ARL14EPL: variants seen among roughly 807,000 people sequenced by gnomAD.
The protein encoded by ARL14EPL is ARF like GTPase 14 effector protein like, also known as ARL14 effector protein-like.
Under a neutral mutation model 15.9 loss-of-function variants are expected in ARL14EPL, and 17 were observed. The observed-to-expected ratio is 1.07, with a 90% CI of 0.73 to 1.60. ARL14EPL has a LOEUF of 1.60. Ranked by LOEUF, ARL14EPL falls within the 40% of genes most tolerant of loss-of-function variation. The pLI, the probability that ARL14EPL is intolerant of heterozygous loss-of-function variation, is 0.00. For missense variants in ARL14EPL, 214 were observed against 185.9 expected (o/e 1.15, Z -0.88); for synonymous variants, 78 against 63.8 (o/e 1.22, Z -1.06).
intron 2 of ARL14EPL, 130 bp downstream of exon 2, chr5:116,051,691 G>A (rs1266651116): frequency 1.2e-6 from 1 of 804,844 alleles, no homozygotes; most frequent in Non-Finnish European, 1.9e-6. Context: ...CTGCCGCCCA[G>A]GCTGATAGAG....
rs866410607 is a variant in ARL14EPL, at chr5:116,050,772, T to C, written c.-9-685T>C. Among the ~76,000 whole-genome samples, 49 of 137,048 alleles carry C rather than the reference T, an allele frequency of 3.6e-4. 1 individual carries two copies. Among genetic ancestry groups the C allele is most frequent in the Middle Eastern group, 7.6e-3 (2 of 264 alleles). 89.9% of individuals were successfully genotyped at this position (137,048 alleles called of 152,430 possible). On this transcript the variant is annotated intron_variant, in intron 1 of 3. Transcript: ENST00000686077. ...TGTCACTCATGATTACCATATTGTA[T>C]GGGCTCCATCTCTCTCTCTCTCTCT... is the stretch of plus-strand genomic sequence containing the variant.
At chr5:116,039,926 C>T (rs1332321510) in intron 1 of ARL14EPL, among the ~76,000 whole-genome samples, 1 of 152,148 alleles carries the variant, frequency 6.6e-6, no homozygotes, top group Admixed American at 6.5e-5. Flanking sequence ...AAACTCTCTA[C>T]ATTCTCAGAT....
At chr5:116,039,042 G>A (rs1014624077) in intron 1 of ARL14EPL, among the ~76,000 whole-genome samples, 1 of 152,156 alleles carries the variant, frequency 6.6e-6, no homozygotes, top group African/African-American at 2.4e-5. Flanking sequence ...CTGGTAGCAG[G>A]GTGGGGGAAG....
intron 2 of ARL14EPL, chr5:116,051,975 C>T: frequency 1.9e-6 from 3 of 1,612,108 alleles, no homozygotes; most frequent in Middle Eastern, 2.0e-4. Context: ...ATTACTTGAG[C>T]TCTGTGCTTT....
chr5:116,058,013 T>C (rs1260975761), intron 3 of ARL14EPL, among the ~76,000 whole-genome samples: 2 of 152,236 alleles, frequency 1.3e-5, no homozygotes, highest in Non-Finnish European at 2.9e-5. Flanking sequence ...CCTTTGTCCC[T>C]GGCCATGTTG....
At chr5:116,053,903 T>C in intron 2 of ARL14EPL, 111 bp from the exon 3 acceptor site, 1 of 881,166 alleles carries the variant, frequency 1.1e-6, no homozygotes, top group Non-Finnish European at 1.6e-6. Flanking sequence ...GTGTAAAACA[T>C]ATATACTTTC....
At chr5:116,047,127 C>G (rs914839881) in intron 1 of ARL14EPL, among the ~76,000 whole-genome samples, 1 of 152,198 alleles carries the variant, frequency 6.6e-6, no homozygotes, top group African/African-American at 2.4e-5. Context: ...GCCACTCAGT[C>G]TGTGATATTT....
In ARL14EPL at chr5:116,052,126, G is replaced by C. The variant is rs1056992250; in HGVS notation, c.96+565G>C. 2.5e-6 allele frequency: 4 copies of C among 1,612,484 alleles called. No individual in the cohort carries two copies. In the Admixed American group the frequency reaches 5.0e-5, roughly 20 times the overall value. On this transcript the variant is annotated intron_variant, in intron 2 of 3. Transcript: ENST00000686077. ...GAACTTCCTTACAGAGTTTGTCATA[G>C]GTAGCTTTGTCAAACAAGACTAAGT...
At chr5:116,039,918 ACT>A (rs1320945139) in intron 1 of ARL14EPL, among the ~76,000 whole-genome samples, 5 of 152,208 alleles carry the variant, frequency 3.3e-5, no homozygotes, top group East Asian at 1.9e-4. Flanking sequence ...AAATTTTAAA[ACT>A]CTCTACATTC....
chr5:116,044,711 T>C (rs1234571268), intron 1 of ARL14EPL, among the ~76,000 whole-genome samples: 1 of 152,136 alleles, frequency 6.6e-6, no homozygotes, highest in Non-Finnish European at 1.5e-5. Flanking sequence ...CATATGATTT[T>C]AGAATAGAGT....
At chr5:116,055,771 A>G (rs907828434) in intron 3 of ARL14EPL, among the ~76,000 whole-genome samples, 2 of 152,050 alleles carry the variant, frequency 1.3e-5, no homozygotes, top group Non-Finnish European at 2.9e-5. Flanking sequence ...TACATTAGGT[A>G]TGTCTCCTAA....
chr5:116,058,690 C>T (rs1455348627), intron 3 of ARL14EPL, 35 bp from the exon 4 acceptor site: 1 of 1,513,180 alleles, frequency 6.6e-7, no homozygotes, highest in Non-Finnish European at 8.9e-7. Flanking sequence ...AGGATGATTG[C>T]ACTGTCATCT....
intron 3 of ARL14EPL, among the ~76,000 whole-genome samples, chr5:116,056,793 A>G (rs972733381): frequency 1.3e-5 from 2 of 152,300 alleles, no homozygotes; most frequent in Admixed American, 6.5e-5. Context: ...CTAACATTTA[A>G]GTCTTTAATC....
intron 2 of ARL14EPL, chr5:116,052,245 A>G: frequency 1.3e-6 from 2 of 1,597,726 alleles, no homozygotes; most frequent in Non-Finnish European, 1.7e-6. Context: ...TTCTTGGCTG[A>G]CTTTCCAGCG....
chr5:116,046,235 G>A (rs1749264788), intron 1 of ARL14EPL, among the ~76,000 whole-genome samples: 1 of 152,154 alleles, frequency 6.6e-6, no homozygotes, highest in Non-Finnish European at 1.5e-5. Flanking sequence ...TAGTGTCCCT[G>A]AATAAGTGGC....
At chr5:116,054,351 C>G (rs1474537617) in intron 3 of ARL14EPL, among the ~76,000 whole-genome samples, 198 bp downstream of exon 3, 1 of 151,984 alleles carries the variant, frequency 6.6e-6, no homozygotes, top group Non-Finnish European at 1.5e-5. Flanking sequence ...AATTAGGAAT[C>G]GATTTTTTAA....
chr5:116,051,924 C>T (rs1442578396), intron 2 of ARL14EPL: 1 of 1,597,350 alleles, frequency 6.3e-7, no homozygotes, highest in African/African-American at 1.3e-5. Flanking sequence ...GCATCTTCAC[C>T]AGCAGCTGGA....
At chr5:116,044,244 A>G (rs1580412823) in intron 1 of ARL14EPL, among the ~76,000 whole-genome samples, 1 of 152,152 alleles carries the variant, frequency 6.6e-6, no homozygotes, top group Non-Finnish European at 1.5e-5. Flanking sequence ...AGCAGTGTTT[A>G]CCCTATAATT....
At chr5:116,034,056 A>T (rs1749005900) in intron 1 of ARL14EPL, among the ~76,000 whole-genome samples, 1 of 152,226 alleles carries the variant, frequency 6.6e-6, no homozygotes, top group African/African-American at 2.4e-5. Flanking sequence ...TGATGACGTG[A>T]TGAGTCCTAG....
Sources: gnomAD v4.1 joint callset for allele counts (sites outside exome capture counted in the v4.1 genomes callset) on GRCh38, gnomAD v4.1.1 for gene constraint, MANE v1.5 for transcripts, NCBI Gene and HGNC (gene_info 2026-07-23, HGNC 2026-07-21) for gene names.